The following NALF1 variants were observed in gnomAD, a reference collection of about 807,000 sequenced individuals.
NALF1 encodes the protein NALCN channel auxiliary factor 1, also known as family with sequence similarity 155 member A.
NALF1 carries 3 observed loss-of-function variants against 48.4 expected under a neutral mutation model. The ratio of observed to expected loss-of-function variants is 0.06; its 90% CI spans 0.03 to 0.16. The LOEUF is 0.16. NALF1 is among the 10% of genes least tolerant of loss of function. NALF1 has a pLI of 1.00. For missense variants in NALF1, 526 were observed against 571.5 expected, an observed-to-expected ratio of 0.92 and a Z score of 0.81; for synonymous variants, 262 against 245.7, an observed-to-expected ratio of 1.07 and a Z score of -0.62.
chr13:107,807,714 C>T (rs1878845374), intron 1 of NALF1, among the ~76,000 whole-genome samples: 1 of 152,122 alleles, frequency 6.6e-6, no homozygotes, highest in Admixed American at 6.6e-5. Flanking sequence ...AGGAAAATTA[C>T]TTTTTTCTCT....
intron 1 of NALF1, among the ~76,000 whole-genome samples, chr13:107,836,851 C>A (rs570535988): frequency 1.3e-5 from 2 of 152,092 alleles, no homozygotes; most frequent in South Asian, 4.1e-4. Context: ...TATTCACAGC[C>A]CTTATAAGCC....
intron 1 of NALF1, among the ~76,000 whole-genome samples, chr13:107,276,239 C>A (rs1305764267): frequency 6.6e-6 from 1 of 152,100 alleles, no homozygotes; most frequent in East Asian, 1.9e-4. Flanking sequence ...CTCCAGGCAA[C>A]CTACCACAGG....
At chr13:107,601,420 C>T (rs376540466) in intron 1 of NALF1, among the ~76,000 whole-genome samples, 3 of 152,274 alleles carry the variant, frequency 2.0e-5, no homozygotes, top group African/African-American at 7.2e-5. Context: ...AGATATGTAT[C>T]CAACTTTCCT....
chr13:107,419,907 G>A (rs543176704), intron 1 of NALF1, among the ~76,000 whole-genome samples: 2 of 152,032 alleles, frequency 1.3e-5, no homozygotes, highest in African/African-American at 4.8e-5. Flanking sequence ...TTTGCCATGC[G>A]GTGTTGAGAC....
chr13:107,536,863 A>G (rs1876835709), intron 1 of NALF1, among the ~76,000 whole-genome samples: 1 of 152,212 alleles, frequency 6.6e-6, no homozygotes, highest in South Asian at 2.1e-4. Context: ...GATTAAGAAA[A>G]TGTGGCACAT....
intron 1 of NALF1, among the ~76,000 whole-genome samples, chr13:107,614,313 T>C (rs1879319970): frequency 6.6e-6 from 1 of 152,224 alleles, no homozygotes; most frequent in Non-Finnish European, 1.5e-5. Context: ...TCTAGTCTTT[T>C]TGTAAGTACA....
In NALF1 at chr13:107,367,068, G is replaced by A. The variant is rs548786363; in HGVS notation, c.916-156313C>T. Among the ~76,000 whole-genome samples the A allele has an allele frequency of 1.2e-4, 19 of 152,232 alleles. No homozygotes were observed. In the East Asian group the frequency reaches 3.7e-3, roughly 29 times the overall value. On this transcript the variant is annotated intron_variant, in intron 1 of 2. Transcript: ENST00000375915. ...TGGGGACAACTAGTCCCTTGCACAA[G>A]GATGAAAACAAAAGGGCAAACGCAG...
At chr13:107,483,920 A>C (rs1885289881) in intron 1 of NALF1, among the ~76,000 whole-genome samples, 1 of 152,096 alleles carries the variant, frequency 6.6e-6, no homozygotes, top group South Asian at 2.1e-4. Context: ...AAATATATAA[A>C]ATTTTGTAAG....
chr13:107,234,135 C>A (rs1880287736), intron 1 of NALF1, among the ~76,000 whole-genome samples: 1 of 152,120 alleles, frequency 6.6e-6, no homozygotes, highest in Non-Finnish European at 1.5e-5. Context: ...AACTCCAGCA[C>A]AATTAAATAG....
chr13:107,320,419 C>T (rs1191013638), intron 1 of NALF1, among the ~76,000 whole-genome samples: 2 of 152,118 alleles, frequency 1.3e-5, no homozygotes, highest in Non-Finnish European at 2.9e-5. Context: ...GTGAAACCCT[C>T]AACTTCAAAC....
intron 1 of NALF1, among the ~76,000 whole-genome samples, chr13:107,691,207 G>A (rs2138504194): frequency 6.6e-6 from 1 of 152,256 alleles, no homozygotes. Flanking sequence ...ACCAAACATG[G>A]CCAGCAAATG....
intron 1 of NALF1, among the ~76,000 whole-genome samples, chr13:107,414,846 A>G (rs1314110006): frequency 1.3e-5 from 2 of 151,878 alleles, no homozygotes; most frequent in Admixed American, 6.6e-5. Flanking sequence ...TGTTTAATCA[A>G]TTCTTAGAAG....
chr13:107,177,022 AAAGT>A (rs1347412019), intron 2 of NALF1, among the ~76,000 whole-genome samples: 2 of 152,134 alleles, frequency 1.3e-5, no homozygotes, highest in Non-Finnish European at 2.9e-5. Context: ...CAAATTCAGT[AAAGT>A]TACAGGATAC....
At chr13:107,413,909 C>A (rs1442501258) in intron 1 of NALF1, among the ~76,000 whole-genome samples, 1 of 152,138 alleles carries the variant, frequency 6.6e-6, no homozygotes, top group East Asian at 1.9e-4. Context: ...GCCTCAGTCT[C>A]CCAAGCAGCT....
chr13:107,168,783 T>TA lies in NALF1; in HGVS notation c.*1713dup, dbSNP rs1205671067. The TA allele has an allele frequency of 6.6e-6, 1 of 152,622 alleles. No individual in the cohort carries two copies. The highest frequency in any genetic ancestry group is 2.4e-5 in the African/African-American group (1 of 41,448). 9.5% of individuals were successfully genotyped at this position (152,622 alleles called of 1,614,324 possible). Reference sequence around the variant, plus strand: ...GCAGGGTTAAGTATGATGCAGAGGTTAAAGTCTGTTTGAACAAAAACAAAT... The same window carrying TA: ...GCAGGGTTAAGTATGATGCAGAGGTTAAAAGTCTGTTTGAACAAAAACAAAT... On this transcript the variant is annotated 3_prime_UTR_variant, in exon 3 of 3. Transcript: ENST00000375915.
At chr13:107,565,372 G>A (rs4772888) in intron 1 of NALF1, among the ~76,000 whole-genome samples, 4,681 of 114,112 alleles carry the variant, frequency 0.041, 388 homozygotes, top group East Asian at 0.4. Flanking sequence ...GTGGCAGAGC[G>A]AGACCTTATC....
chr13:107,369,013 T>C (rs1319700720), intron 1 of NALF1, among the ~76,000 whole-genome samples: 1 of 152,252 alleles, frequency 6.6e-6, no homozygotes, highest in Non-Finnish European at 1.5e-5. Context: ...GAAATGCAGT[T>C]CCCTGCCTGC....
At chr13:107,312,240 C>T (rs1361685966) in intron 1 of NALF1, among the ~76,000 whole-genome samples, 1 of 152,030 alleles carries the variant, frequency 6.6e-6, no homozygotes, top group Non-Finnish European at 1.5e-5. Flanking sequence ...TACTATGCAG[C>T]CATAAAAAAT....
chr13:107,176,382 C>T (rs190682487), intron 2 of NALF1, among the ~76,000 whole-genome samples: 2 of 143,416 alleles, frequency 1.4e-5, no homozygotes, highest in African/African-American at 5.2e-5. Context: ...GTGGCTCATG[C>T]CTGTAATCCC....
Sources: allele counts gnomAD v4.1 joint callset (sites outside exome capture counted in the v4.1 genomes callset), GRCh38; gene constraint gnomAD v4.1.1; transcripts MANE v1.5; gene names NCBI Gene and HGNC (gene_info 2026-07-23, HGNC 2026-07-21).